The following DBNDD2 variants were observed in gnomAD, a reference collection of about 807,000 sequenced individuals.
DBNDD2 encodes dysbindin domain-containing protein 2.
DBNDD2 carries 8 observed loss-of-function variants against 14.0 expected under a neutral mutation model. That is an observed-to-expected ratio of 0.57 (90% CI 0.33 to 1.03). DBNDD2 has a LOEUF of 1.03. Among genes scored for constraint, DBNDD2 ranks in the 50% least tolerant of loss-of-function variants. The pLI, the probability that DBNDD2 is intolerant of heterozygous loss-of-function variation, is 0.03. For missense variants in DBNDD2, 194 were observed against 206.0 expected (o/e 0.94, Z 0.36); for synonymous variants, 94 against 85.3 (o/e 1.10, Z -0.56).
upstream of DBNDD2, among the ~76,000 whole-genome samples, chr20:45,406,928 GCTGGCTCC>G (rs1331526168): frequency 3.9e-5 from 6 of 152,120 alleles, no homozygotes; most frequent in African/African-American, 4.8e-5. Context: ...TCTCCATTTC[GCTGGCTCC>G]TGCCCGGCCC....
In DBNDD2 at chr20:45,409,946, T is replaced by G. The variant is rs758789226; in HGVS notation, c.292T>G (p.Leu98Val). 13 of 1,551,534 alleles carry G rather than the reference T, an allele frequency of 8.4e-6. No homozygotes were observed. Among genetic ancestry groups the G allele is most frequent in the Non-Finnish European group, 9.6e-6 (11 of 1,146,980 alleles). ...TCTCTGGGCAGGGATGGACAACCAT[T>G]TGGAGGAGCTGAGCCTGCCGGTGCC... ...TPQSSGMDNH[L>V]EELSLPVPTS... Residue 98 changes from leucine (L) to valine (V), a missense_variant, in exon 3 of 3, where the codon TTG (leucine) becomes GTG (valine). Coordinates refer to ENST00000372710, the MANE Select transcript of DBNDD2 (RefSeq NM_001048225.4).
chr20:45,406,617 C>A, upstream of DBNDD2: 2 of 1,405,628 alleles, frequency 1.4e-6, no homozygotes, highest in South Asian at 3.1e-5. Flanking sequence ...GCCCGTCGGT[C>A]CCCCGGGAGC....
chr20:45,409,085 T>C, intron 2 of DBNDD2, 147 bp downstream of exon 2: 1 of 1,539,892 alleles, frequency 6.5e-7, no homozygotes, highest in African/African-American at 1.4e-5. Context: ...CTGCCTGTTC[T>C]GATTTTAGGG....
upstream of DBNDD2, chr20:45,408,271 A>G: frequency 1.3e-6 from 2 of 1,554,352 alleles, no homozygotes; most frequent in Non-Finnish European, 1.7e-6. Flanking sequence ...CCTCTGCATG[A>G]GACTTGGTTT....
chr20:45,410,157 A>G lies in DBNDD2; in HGVS notation c.*17A>G. ...TGCAGCTAGCAGTGGGCCCCTGCCTACAGACTGACCACGCTGGCTATTCTC... is the reference window on the plus strand; with the variant it reads ...TGCAGCTAGCAGTGGGCCCCTGCCTGCAGACTGACCACGCTGGCTATTCTC... On this transcript the variant is annotated 3_prime_UTR_variant, in exon 3 of 3. Transcript: ENST00000372710. 6.4e-7 allele frequency: 1 copy of G among 1,551,450 alleles called. No homozygotes were observed. The highest frequency in any genetic ancestry group is 8.7e-7 in the Non-Finnish European group (1 of 1,146,942).
chr20:45,409,191 ATAAT>A (rs1989691035), intron 2 of DBNDD2, among the ~76,000 whole-genome samples: 1 of 152,246 alleles, frequency 6.6e-6, no homozygotes, highest in African/African-American at 2.4e-5. Context: ...TTATATTAAT[ATAAT>A]TAGTCACTAT....
chr20:45,406,368 T>C (rs1243501399), upstream of DBNDD2: 4 of 1,300,782 alleles, frequency 3.1e-6, no homozygotes, highest in Non-Finnish European at 4.2e-6. Flanking sequence ...GCGCAGCAAG[T>C]GCATCCGAGC....
chr20:45,406,296 G>A, upstream of DBNDD2: 1 of 629,766 alleles, frequency 1.6e-6, no homozygotes, highest in Admixed American at 3.9e-5. Context: ...AAGGCGCAGA[G>A]CATCAAGTGT....
chr20:45,406,304 T>C (rs1283304721), upstream of DBNDD2: 1 of 649,798 alleles, frequency 1.5e-6, no homozygotes, highest in Non-Finnish European at 2.5e-6. Flanking sequence ...GAGCATCAAG[T>C]GTGCGTGGGC....
rs376511192 is a variant in DBNDD2, at chr20:45,408,516, C to T, written c.49C>T (p.Arg17Trp). ...CCTGGAGCGCCAGCAGCTCCGCCTTCGGGAGCGGCAAAAATTCTTCGAGGA... is the reference window on the plus strand; with the variant it reads ...CCTGGAGCGCCAGCAGCTCCGCCTTTGGGAGCGGCAAAAATTCTTCGAGGA... ...AALERQQLRL[R>W]ERQKFFEDIL... The change falls in exon 1 of 3, where the codon CGG becomes TGG. Residue 17 changes from arginine (R) to tryptophan (W), a missense_variant. Transcript: ENST00000372710. 60 of 1,614,128 alleles carry T rather than the reference C, an allele frequency of 3.7e-5. No individual in the cohort carries two copies. The highest frequency in any genetic ancestry group is 1.6e-4 in the Middle Eastern group (1 of 6,084).
chr20:45,408,776 G>A, intron 1 of DBNDD2, 25 bp from the exon 2 acceptor site: 5 of 1,611,232 alleles, frequency 3.1e-6, no homozygotes, highest in Non-Finnish European at 3.4e-6. Context: ...GGGTCCTCCT[G>A]ACTTGCCCAC....
upstream of DBNDD2, chr20:45,406,369 G>A: frequency 7.6e-7 from 1 of 1,309,452 alleles, no homozygotes; most frequent in Non-Finnish European, 1.0e-6. Context: ...CGCAGCAAGT[G>A]CATCCGAGCG....
chr20:45,406,458 G>A, upstream of DBNDD2: 1 of 1,525,408 alleles, frequency 6.6e-7, no homozygotes, highest in Non-Finnish European at 8.8e-7. Context: ...AAGGATGGGT[G>A]CGGGTAACTT....
rs761666403 is a variant in DBNDD2 at position 45,408,600 on chromosome 20, C to A, written c.133C>A (p.Gln45Lys). The A allele has an allele frequency of 1.9e-6, 3 of 1,612,956 alleles. No individual in the cohort carries two copies. In the South Asian group the frequency reaches 3.3e-5, roughly 18 times the overall value. Residue 45 changes from glutamine to lysine, a missense_variant, in exon 1 of 3, where the codon CAG (glutamine) becomes AAG (lysine). Gln to Lys is a moderately conservative substitution (Grantham distance 53). Coordinates refer to ENST00000372710, the MANE Select transcript of DBNDD2 (RefSeq NM_001048225.4). ...FPLSHLHLES[Q>K]RPPIGSISSM... ...TCTGTCCCATCTGCATCTCGAGTCGCAGAGACGTAAGTCCCAAGTCCTGAG... is the reference window on the plus strand; with the variant it reads ...TCTGTCCCATCTGCATCTCGAGTCGAAGAGACGTAAGTCCCAAGTCCTGAG...
chr20:45,408,707 C>T (rs1989639852), intron 1 of DBNDD2, 94 bp from the exon 2 acceptor site: 53 of 1,577,326 alleles, frequency 3.4e-5, no homozygotes, highest in Non-Finnish European at 4.6e-5. Context: ...TTTTCTTGGC[C>T]CTCTATGCTT....
upstream of DBNDD2, chr20:45,406,639 A>T: frequency 7.3e-7 from 1 of 1,361,202 alleles, no homozygotes; most frequent in South Asian, 1.8e-5. Context: ...CTGGAGGCGC[A>T]GCCCCACCCC....
At chr20:45,409,074 G>T in intron 2 of DBNDD2, 136 bp downstream of exon 2, 1 of 1,561,378 alleles carries the variant, frequency 6.4e-7, no homozygotes. Flanking sequence ...CAATGAAACA[G>T]CTGCCTGTTC....
rs1600789923 is a variant in DBNDD2, at chr20:45,408,802, C to A, written c.141C>A (p.Pro47=). 3 of 1,613,814 alleles carry A rather than the reference C, an allele frequency of 1.9e-6. No homozygotes were observed. The African/African-American group carries it at 4.0e-5, about 22-fold the overall frequency. Residue 47 remains proline, a splice_region_variant and synonymous_variant, in exon 2 of 3, where the codon CCC becomes CCA. Coordinates refer to ENST00000372710, the MANE Select transcript of DBNDD2 (RefSeq NM_001048225.4). ...ACTTGCCCACTTCTTGATCCGCAGC[C>A]CCCATAGGTAGTATCTCATCCATGG... The part of the protein sequence containing the change: ...LSHLHLESQR[P]PIGSISSMEV...
chr20:45,408,880 G>C lies in DBNDD2; in HGVS notation c.219G>C (p.Pro73=). The change falls in exon 2 of 3, where the codon CCG becomes CCC. Residue 73 remains proline (P), a synonymous_variant. Transcript: ENST00000372710. ...EQVELIDLGD[P]DAADVFLPCE... is the part of the protein sequence containing the mutation. ...TAGAACTTATTGACCTTGGGGACCCGGATGCAGCAGATGTGTTCTTGCCTT... is the reference window on the plus strand; with the variant it reads ...TAGAACTTATTGACCTTGGGGACCCCGATGCAGCAGATGTGTTCTTGCCTT... 6.2e-6 allele frequency: 10 copies of C among 1,614,212 alleles called. No homozygotes were observed. The highest frequency in any genetic ancestry group is 8.5e-6 in the Non-Finnish European group (10 of 1,180,044).
Sources: allele counts gnomAD v4.1 joint callset (sites outside exome capture counted in the v4.1 genomes callset), GRCh38; gene constraint gnomAD v4.1.1; transcripts MANE v1.5; gene names NCBI Gene and HGNC (gene_info 2026-07-23, HGNC 2026-07-21).